The following ALG6 variants were observed in gnomAD, a reference collection of about 807,000 sequenced individuals.
The protein encoded by ALG6 is ALG6 alpha-1,3-glucosyltransferase.
In ALG6, 46 loss-of-function variants were observed where a neutral mutation model predicts 66.6. That is an observed-to-expected ratio of 0.69 (90% CI 0.55 to 0.88). ALG6 has a LOEUF of 0.88. ALG6 is among the 40% of genes least tolerant of loss of function. The probability of loss-of-function intolerance (pLI) is 0.00; values close to 1 mark genes in which losing one functional copy is unlikely to be tolerated. For missense variants in ALG6, 505 were observed against 586.8 expected, an observed-to-expected ratio of 0.86 and a Z score of 1.44; for synonymous variants, 185 against 203.7, an observed-to-expected ratio of 0.91 and a Z score of 0.78.
At chr1:63,371,328 G>A (rs556427271) in intron 2 of ALG6, 1 of 423,100 alleles carries the variant, frequency 2.4e-6, no homozygotes, top group South Asian at 2.3e-5. Flanking sequence ...ATTAAACATT[G>A]AAGAGGAAAA....
chr1:63,420,037 A>G (rs1316377042), intron 12 of ALG6, among the ~76,000 whole-genome samples: 1 of 152,150 alleles, frequency 6.6e-6, no homozygotes, highest in Non-Finnish European at 1.5e-5. Flanking sequence ...CTCTAGGTCA[A>G]TCCCAACCCA....
intron 14 of ALG6, among the ~76,000 whole-genome samples, chr1:63,432,758 T>A (rs1002798895): frequency 6.6e-6 from 1 of 152,218 alleles, no homozygotes; most frequent in Non-Finnish European, 1.5e-5. Context: ...TGACAACTAC[T>A]ACAAATGTTA....
At chr1:63,382,689 T>G (rs1456249091) in intron 2 of ALG6, among the ~76,000 whole-genome samples, 36 of 136,992 alleles carry the variant, frequency 2.6e-4, no homozygotes, top group Admixed American at 2.5e-3. Context: ...GTTTTTTTTT[T>G]TTTTGAGACG....
Position 63,403,198 on chromosome 1 carries a change from T to G in ALG6, c.257+855T>G, listed in dbSNP as rs530260197. Among the ~76,000 whole-genome samples, 138 of 152,224 alleles carry G rather than the reference T, an allele frequency of 9.1e-4. 2 individuals carry two copies. Among genetic ancestry groups the G allele is most frequent in the African/African-American group, 3.1e-3 (129 of 41,546 alleles). On this transcript the variant is annotated intron_variant, in intron 4 of 14. Transcript: ENST00000263440. ...GAAATGTGAAAAACCTAGTTTTGTT[T>G]TGAAGTAGAGATGTTATCCATATGT...
intron 8 of ALG6, 78 bp from the exon 9 acceptor site, chr1:63,411,848 G>A (rs991902753): frequency 6.3e-7 from 1 of 1,576,300 alleles, no homozygotes; most frequent in Non-Finnish European, 8.7e-7. Flanking sequence ...CATGTATTAT[G>A]TTCAGTGAGA....
chr1:63,434,416 G>A (rs1196172362), intron 14 of ALG6, among the ~76,000 whole-genome samples: 1 of 152,096 alleles, frequency 6.6e-6, no homozygotes, highest in Non-Finnish European at 1.5e-5. Context: ...GGGGGCAGTC[G>A]GGAGTATGAG....
intron 3 of ALG6, among the ~76,000 whole-genome samples, chr1:63,397,914 G>A (rs1304325713): frequency 4.6e-5 from 7 of 152,168 alleles, no homozygotes; most frequent in Admixed American, 1.3e-4. Flanking sequence ...AATGATACAT[G>A]TAAAGCACTT....
At chr1:63,384,173 A>T (rs1160703787) in intron 2 of ALG6, among the ~76,000 whole-genome samples, 1 of 152,162 alleles carries the variant, frequency 6.6e-6, no homozygotes, top group Non-Finnish European at 1.5e-5. Flanking sequence ...TGTCGTTTGG[A>T]TAAAAGCCAT....
intron 14 of ALG6, among the ~76,000 whole-genome samples, chr1:63,435,790 C>T (rs1644675525): frequency 6.6e-6 from 1 of 152,064 alleles, no homozygotes; most frequent in Admixed American, 6.6e-5. Flanking sequence ...ATTTCAAATG[C>T]CCAATAGCCA....
chr1:63,408,501 C>T (rs1644500796), intron 7 of ALG6, among the ~76,000 whole-genome samples: 2 of 152,136 alleles, frequency 1.3e-5, no homozygotes, highest in African/African-American at 4.8e-5. Flanking sequence ...TTATAAATAT[C>T]TCCTTGTACA....
At chr1:63,373,464 G>T (rs140416549) in intron 2 of ALG6, among the ~76,000 whole-genome samples, 1 of 150,946 alleles carries the variant, frequency 6.6e-6, no homozygotes, top group African/African-American at 2.4e-5. Context: ...TTAGCCGGGC[G>T]CACACCTGTA....
At chr1:63,386,379 A>G (rs1326030274) in intron 2 of ALG6, among the ~76,000 whole-genome samples, 2 of 152,136 alleles carry the variant, frequency 1.3e-5, no homozygotes, top group Admixed American at 1.3e-4. Flanking sequence ...TAGTTTGAAT[A>G]GGACTGATAT....
At chr1:63,396,646 T>C (rs1219348975) in intron 3 of ALG6, 49 bp downstream of exon 3, 1 of 1,505,218 alleles carries the variant, frequency 6.6e-7, no homozygotes, top group African/African-American at 1.4e-5. Flanking sequence ...TTAATACAGA[T>C]TGTTTGAAAA....
chr1:63,435,360 T>C (rs1644672515), intron 14 of ALG6, among the ~76,000 whole-genome samples: 1 of 152,216 alleles, frequency 6.6e-6, no homozygotes, highest in South Asian at 2.1e-4. Flanking sequence ...CCACTAAGGT[T>C]GCCTCAGGAA....
rs755723417 is a variant in ALG6 at position 63,402,382 on chromosome 1, G to T, written c.257+39G>T. 2.2e-5 allele frequency: 30 copies of T among 1,380,936 alleles called. No homozygotes were observed. The East Asian group carries it at 6.9e-4, about 32-fold the overall frequency. The allele number at this position is 1,380,936 out of a possible 1,614,324, so 85.5% of individuals were successfully genotyped here. The stretch of plus-strand genomic sequence containing the variant: ...TCTTAATGTAACTCTAAATTTTTAT[G>T]CCCTTGGCAGATTTAGTAAGAAGCA... On this transcript the variant is annotated intron_variant, in intron 4 of 14. Coordinates refer to ENST00000263440, the MANE Select transcript of ALG6 (RefSeq NM_013339.4).
chr1:63,381,853 T>C (rs1329149329), intron 2 of ALG6, among the ~76,000 whole-genome samples: 1 of 152,204 alleles, frequency 6.6e-6, no homozygotes, highest in African/African-American at 2.4e-5. Context: ...CTATTTTTGG[T>C]ATCCTAATTT....
intron 3 of ALG6, among the ~76,000 whole-genome samples, chr1:63,400,206 A>AAAAAAT (rs1412046755): frequency 1.4e-4 from 5 of 36,422 alleles, no homozygotes; most frequent in African/African-American, 2.2e-4. Flanking sequence ...AAAAAAAAAA[A>AAAAAAT]ATATATATAT....
intron 10 of ALG6, among the ~76,000 whole-genome samples, chr1:63,415,524 T>C (rs1444747956): frequency 6.6e-6 from 1 of 152,230 alleles, no homozygotes; most frequent in East Asian, 1.9e-4. Context: ...TTATCTCTTA[T>C]ACTTCATTAT....
intron 3 of ALG6, among the ~76,000 whole-genome samples, chr1:63,401,947 C>T (rs3753484): frequency 0.58 from 87,993 of 151,910 alleles, 27,182 homozygotes; most frequent in African/African-American, 0.78. Flanking sequence ...GAGCCTTGCA[C>T]GTAACGAGGC....
Sources: gnomAD v4.1 joint callset for allele counts (sites outside exome capture counted in the v4.1 genomes callset) on GRCh38, gnomAD v4.1.1 for gene constraint, MANE v1.5 for transcripts, NCBI Gene and HGNC (gene_info 2026-07-23, HGNC 2026-07-21) for gene names.